LOC400499: variants seen among roughly 807,000 people sequenced by gnomAD.
At chr16:11,424,384 CAG>C in the LOC400499 span, 1 of 399,320 alleles carries the variant, frequency 2.5e-6, no homozygotes, top group Non-Finnish European at 4.4e-6. Context: ...GGCAGAGCCC[CAG>C]AGACCACTCA....
At chr16:11,473,812 A>G in the LOC400499 span, among the ~76,000 whole-genome samples, 3 of 152,104 alleles carry the variant, frequency 2.0e-5, no homozygotes, top group African/African-American at 7.2e-5. Context: ...GGAGCCAGCA[A>G]ACATTCTTCG....
chr16:11,392,184 C>G, the LOC400499 span: 1 of 399,154 alleles, frequency 2.5e-6, no homozygotes, highest in Non-Finnish European at 4.4e-6. Context: ...AGGTGTGGGC[C>G]TCACAATGGG....
At chr16:11,485,041 A>G in the LOC400499 span, 9 of 398,898 alleles carry the variant, frequency 2.3e-5, no homozygotes, top group Non-Finnish European at 4.0e-5. Flanking sequence ...GCCTGTGAGC[A>G]ATTTCCTCAG....
chr16:11,425,060 C>A, the LOC400499 span: 1 of 398,564 alleles, frequency 2.5e-6, no homozygotes, highest in East Asian at 3.6e-5. Context: ...ATTTATCCCC[C>A]CTCCCTTGGC....
chr16:11,392,042 A>G, the LOC400499 span: 1 of 401,250 alleles, frequency 2.5e-6, no homozygotes, highest in Non-Finnish European at 4.4e-6. Context: ...GAGGCACCCA[A>G]GCCTTGAACC....
the LOC400499 span, chr16:11,516,025 G>T: frequency 2.5e-6 from 1 of 399,514 alleles, no homozygotes; most frequent in Non-Finnish European, 4.4e-6. Context: ...AGTCCCCATG[G>T]TGCTGGTATG....
At chr16:11,383,890 C>CT in the LOC400499 span, 1 of 1,232,122 alleles carries the variant, frequency 8.1e-7, no homozygotes, top group Non-Finnish European at 1.0e-6. Context: ...ACTCACCACC[C>CT]GGAAGCAGTC....
the LOC400499 span, among the ~76,000 whole-genome samples, chr16:11,413,169 T>C: frequency 0.78 from 118,112 of 152,064 alleles, 46,609 homozygotes; most frequent in African/African-American, 0.91. Flanking sequence ...CCGAGGGACC[T>C]CAAAGGACAG....
chr16:11,396,019 G>T, the LOC400499 span, among the ~76,000 whole-genome samples: 1 of 152,242 alleles, frequency 6.6e-6, no homozygotes, highest in South Asian at 2.1e-4. Context: ...GGAGTAAGGA[G>T]GGGGAGGAGA....
At chr16:11,460,021 G>A in the LOC400499 span, 2 of 1,482,376 alleles carry the variant, frequency 1.3e-6, no homozygotes, top group Non-Finnish European at 1.8e-6. Context: ...TGTGAGTGCA[G>A]GTGGCCCGAG....
chr16:11,384,032 A>G, the LOC400499 span: 16 of 1,231,700 alleles, frequency 1.3e-5, no homozygotes, highest in African/African-American at 9.3e-5. Flanking sequence ...TGCAAGACTC[A>G]GGCCTCCTGC....
chr16:11,375,871 A>G, the LOC400499 span, among the ~76,000 whole-genome samples: 1 of 151,782 alleles, frequency 6.6e-6, no homozygotes, highest in Non-Finnish European at 1.5e-5. Context: ...CTGGGATTAC[A>G]CGCATGCACC....
the LOC400499 span, among the ~76,000 whole-genome samples, chr16:11,504,037 T>C: frequency 1.3e-5 from 2 of 152,232 alleles, no homozygotes; most frequent in South Asian, 4.1e-4. Context: ...GATGGGCACC[T>C]GGGGATGGTG....
chr16:11,393,151 G>GCC, the LOC400499 span, among the ~76,000 whole-genome samples: 3 of 80,766 alleles, frequency 3.7e-5, no homozygotes, highest in African/African-American at 1.4e-4. Flanking sequence ...ACCACGCCTG[G>GCC]CCACCCCCCC....
chr16:11,449,574 A>G, the LOC400499 span, among the ~76,000 whole-genome samples: 1 of 152,122 alleles, frequency 6.6e-6, no homozygotes, highest in East Asian at 1.9e-4. Flanking sequence ...CCCCCATGGG[A>G]TGGTTCCCTG....
the LOC400499 span, among the ~76,000 whole-genome samples, chr16:11,395,266 G>A: frequency 6.6e-6 from 1 of 152,196 alleles, no homozygotes; most frequent in Admixed American, 6.5e-5. Context: ...CCACTGGGTT[G>A]GGGTGAGCAA....
At chr16:11,384,089 C>G in the LOC400499 span, 164 of 1,229,328 alleles carry the variant, frequency 1.3e-4, 1 homozygote, top group Non-Finnish European at 1.2e-5. Flanking sequence ...CAGGAGACTT[C>G]CCCCAAACCC....
chr16:11,469,095 C>T, the LOC400499 span: 1 of 398,916 alleles, frequency 2.5e-6, no homozygotes, highest in Non-Finnish European at 4.4e-6. Context: ...CAATAGTTAA[C>T]AGGGCTCTGG....
At chr16:11,392,522 G>C in the LOC400499 span, 12 of 399,002 alleles carry the variant, frequency 3.0e-5, no homozygotes, top group Non-Finnish European at 4.4e-5. Flanking sequence ...AAAGGGACCT[G>C]CTGGTGCCCC....
Sources: allele counts gnomAD v4.1 joint callset (sites outside exome capture counted in the v4.1 genomes callset), GRCh38; gene constraint gnomAD v4.1.1; transcripts MANE v1.5.